ZNF26: variants seen among roughly 807,000 people sequenced by gnomAD.
The protein encoded by ZNF26 is epididymis luminal protein 179.
A neutral mutation model predicts 54.9 loss-of-function variants in ZNF26; 32 were observed. That is an observed-to-expected ratio of 0.58 (90% CI 0.44 to 0.78). The LOEUF is 0.78. Among genes scored for constraint, ZNF26 ranks in the 30% least tolerant of loss-of-function variants. The pLI, the probability that ZNF26 is intolerant of heterozygous loss-of-function variation, is 0.00. For synonymous variants in ZNF26, 221 were observed against 209.2 expected, an observed-to-expected ratio of 1.06 and a Z score of -0.49; for missense variants, 524 against 634.0, an observed-to-expected ratio of 0.83 and a Z score of 1.86.
chr12:132,999,297 C>G (rs1486205580), intron 1 of ZNF26, among the ~76,000 whole-genome samples: 1 of 152,188 alleles, frequency 6.6e-6, no homozygotes, highest in Non-Finnish European at 1.5e-5. Context: ...CTTTGTTGCC[C>G]AGGCTTGAGT....
In ZNF26 at chr12:133,018,326, GATAT is replaced by G. The variant is rs75445879; in HGVS notation, c.*6852_*6855del. The G allele has an allele frequency of 6.6e-6, 1 of 152,000 alleles. No individual in the cohort carries two copies. The highest frequency in any genetic ancestry group is 6.6e-5 in the Admixed American group (1 of 15,236). 9.4% of individuals were successfully genotyped at this position (152,000 alleles called of 1,614,324 possible). On this transcript the variant is annotated 3_prime_UTR_variant, in exon 4 of 4. Transcript: ENST00000328654. ...AATGTGTTGTTGCATTTGTAACATA[GATAT>G]ATATATCAATACCAGCACAAAAGTC... is the stretch of plus-strand genomic sequence containing the variant.
Position 133,016,069 on chromosome 12 carries a change from A to ATTTTTT in ZNF26, c.*4604_*4609dup, listed in dbSNP as rs11366507. The stretch of plus-strand genomic sequence containing the variant: ...TTTATTGTGAAAAAGTGTAGGGGTA[A>ATTTTTT]TTTTTTTTTTTTTTTTTTTTTGAGA... On this transcript the variant is annotated 3_prime_UTR_variant, in exon 4 of 4. Transcript: ENST00000328654. 1 of 117,904 alleles carries ATTTTTT rather than the reference A, an allele frequency of 8.5e-6. No individual in the cohort carries two copies. The highest frequency in any genetic ancestry group is 9.0e-5 in the Admixed American group (1 of 11,090). 7.3% of individuals were successfully genotyped at this position (117,904 alleles called of 1,614,324 possible).
At chr12:133,006,441 C>A in intron 1 of ZNF26, 1 of 258,484 alleles carries the variant, frequency 3.9e-6, no homozygotes, top group Non-Finnish European at 6.0e-6. Flanking sequence ...ACCAAGGACT[C>A]AGAACACCTT....
intron 1 of ZNF26, among the ~76,000 whole-genome samples, chr12:133,003,219 A>C (rs1303979753): frequency 6.6e-6 from 1 of 151,448 alleles, no homozygotes; most frequent in East Asian, 1.9e-4. Context: ...AAATTTATCA[A>C]AATATCATAT....
In ZNF26 at chr12:132,992,779, T is replaced by C. The variant is rs776659966; in HGVS notation, c.33+5906T>C. Among the ~76,000 whole-genome samples the C allele has an allele frequency of 1.2e-3, 179 of 152,318 alleles. 3 individuals carry two copies. Among genetic ancestry groups the C allele is most frequent in the Middle Eastern group, 0.01 (3 of 294 alleles). On this transcript the variant is annotated intron_variant, in intron 1 of 3. Transcript: ENST00000328654. ...AAACCACTGTGCGTCAGGCACCGAC[T>C]GTCTTTCTTCTGTTCTTTTCCTTTC...
rs796424164 is a variant in ZNF26, at chr12:133,012,856, G to A, written c.*1375G>A. Reference sequence around the variant, plus strand: ...AGCCTCCCAAAGTCATGGGATTACAGGTGTGAGCCACCGAGCCCGGCCAGC... The same window carrying A: ...AGCCTCCCAAAGTCATGGGATTACAAGTGTGAGCCACCGAGCCCGGCCAGC... On this transcript the variant is annotated 3_prime_UTR_variant, in exon 4 of 4. Coordinates refer to ENST00000328654, the MANE Select transcript of ZNF26 (RefSeq NM_019591.4). 55 of 152,120 alleles carry A rather than the reference G, an allele frequency of 3.6e-4. No homozygotes were observed. The highest frequency in any genetic ancestry group is 1.3e-3 in the African/African-American group (53 of 41,486). The allele number at this position is 152,120 out of a possible 1,614,324, so 9.4% of individuals were successfully genotyped here.
At chr12:132,996,919 T>C (rs1953097774) in intron 1 of ZNF26, among the ~76,000 whole-genome samples, 1 of 152,176 alleles carries the variant, frequency 6.6e-6, no homozygotes, top group South Asian at 2.1e-4. Context: ...TTTGTTTTGT[T>C]TTCTTAGAAA....
rs1376218469 is a variant in ZNF26 at position 133,017,525 on chromosome 12, A to G, written c.*6044A>G. ...GTGTACACAGGTCCAAGAGCCAAGG[A>G]GTGGGAACGGGATCAGCTCCACTTA... On this transcript the variant is annotated 3_prime_UTR_variant, in exon 4 of 4. Coordinates refer to ENST00000328654, the MANE Select transcript of ZNF26 (RefSeq NM_019591.4). 6.6e-6 allele frequency: 1 copy of G among 152,212 alleles called. No homozygotes were observed. The highest frequency in any genetic ancestry group is 1.9e-4 in the East Asian group (1 of 5,192). The allele number at this position is 152,212 out of a possible 1,614,324, so 9.4% of individuals were successfully genotyped here. A position where few individuals can be genotyped will look rare whatever the true frequency, so the allele number is the denominator to read the frequency against.
chr12:133,026,051 C>T lies in ZNF26; in HGVS notation c.*14570C>T, dbSNP rs1165140324. On this transcript the variant is annotated 3_prime_UTR_variant, in exon 4 of 4. Coordinates refer to ENST00000328654, the MANE Select transcript of ZNF26 (RefSeq NM_019591.4). ...TAGATCTAGCCTTAGAAAAAGCTGC[C>T]TAGCTGAGCCTATCTTGAATTTCTG... 6.6e-6 allele frequency: 1 copy of T among 152,120 alleles called. No homozygotes were observed. Among genetic ancestry groups the T allele is most frequent in the Admixed American group, 6.6e-5 (1 of 15,264 alleles). 9.4% of individuals were successfully genotyped at this position (152,120 alleles called of 1,614,324 possible).
Position 133,011,604 on chromosome 12 carries a change from A to G in ZNF26, c.*123A>G, listed in dbSNP as rs2137263112. 1.0e-6 allele frequency: 1 copy of G among 1,001,494 alleles called. No homozygotes were observed. The highest frequency in any genetic ancestry group is 2.3e-5 in the South Asian group (1 of 43,554). The allele number at this position is 1,001,494 out of a possible 1,614,324, so 62.0% of individuals were successfully genotyped here. On this transcript the variant is annotated 3_prime_UTR_variant, in exon 4 of 4. Transcript: ENST00000328654. ...TCAAAAATCAGAGAGGAGAGAGACC[A>G]ACCATATTTGGGATGAGTGTAAAAG...
At position 133,023,779 on chromosome 12, in the gene ZNF26, T is replaced by G. The variant is rs1018489804; in HGVS notation, c.*12298T>G. The G allele has an allele frequency of 6.6e-6, 1 of 152,240 alleles. No individual in the cohort carries two copies. The highest frequency in any genetic ancestry group is 1.5e-5 in the Non-Finnish European group (1 of 68,042). The allele number at this position is 152,240 out of a possible 1,614,324, so 9.4% of individuals were successfully genotyped here. A position where few individuals can be genotyped will look rare whatever the true frequency, so the allele number is the denominator to read the frequency against. On this transcript the variant is annotated 3_prime_UTR_variant, in exon 4 of 4. Coordinates refer to ENST00000328654, the MANE Select transcript of ZNF26 (RefSeq NM_019591.4). The stretch of plus-strand genomic sequence containing the variant: ...CAAAAGAATGTGGAGGAAGTGATCA[T>G]GTAACTTCGCAGGATATAAAAAGCC...
At chr12:133,002,310 C>T (rs1953236123) in intron 1 of ZNF26, among the ~76,000 whole-genome samples, 1 of 152,184 alleles carries the variant, frequency 6.6e-6, no homozygotes, top group South Asian at 2.1e-4. Context: ...GCCCAGAATC[C>T]AGCCACCATT....
In ZNF26 at chr12:133,022,571, TG is replaced by T. The variant is rs1163341927; in HGVS notation, c.*11095del. 2 of 152,308 alleles carry T rather than the reference TG, an allele frequency of 1.3e-5. No homozygotes were observed. The highest frequency in any genetic ancestry group is 3.9e-4 in the East Asian group (2 of 5,184). 9.4% of individuals were successfully genotyped at this position (152,308 alleles called of 1,614,324 possible). A position where few individuals can be genotyped will look rare whatever the true frequency, so the allele number is the denominator to read the frequency against. On this transcript the variant is annotated 3_prime_UTR_variant, in exon 4 of 4. Transcript: ENST00000328654. The stretch of plus-strand genomic sequence containing the variant: ...CTGTAGTGTTGCAAAATGTTAGCAT[TG>T]GGGGAAACTGGGAAAAGTGTATAAG...
At chr12:132,988,051 C>G (rs1017722930) in intron 1 of ZNF26, among the ~76,000 whole-genome samples, 5 of 152,228 alleles carry the variant, frequency 3.3e-5, no homozygotes, top group African/African-American at 1.2e-4. Context: ...CTCTGTCGCC[C>G]AGGCTGGAGT....
chr12:133,007,117 T>A lies in ZNF26; in HGVS notation c.109T>A (p.Tyr37Asn). Residue 37 changes from tyrosine (Y) to asparagine (N), a missense_variant, in exon 2 of 4, where the codon TAC becomes AAC. Physicochemically the swap from Tyr to Asn is moderately radical, Grantham distance 143 (BLOSUM62 -2). Coordinates refer to ENST00000328654, the MANE Select transcript of ZNF26 (RefSeq NM_019591.4). ...GCAGCTACTGGATTCTACACAGAAG[T>A]ACCTGTACAGAGATGTGATATTGGA... ...EWQLLDSTQK[Y>N]LYRDVILENY... The A allele has an allele frequency of 6.2e-7, 1 of 1,613,958 alleles. No individual in the cohort carries two copies.
intron 3 of ZNF26, among the ~76,000 whole-genome samples, chr12:133,008,859 G>A (rs1455263520): frequency 6.6e-6 from 1 of 151,994 alleles, no homozygotes; most frequent in Non-Finnish European, 1.5e-5. Flanking sequence ...TCTGCAGGCT[G>A]TATGGGAAGC....
rs947872547 is a variant in ZNF26 at position 133,023,677 on chromosome 12, G to A, written c.*12196G>A. The A allele has an allele frequency of 1.0e-3, 158 of 152,298 alleles. No homozygotes were observed. The highest frequency in any genetic ancestry group is 3.4e-3 in the African/African-American group (142 of 41,560). 9.4% of individuals were successfully genotyped at this position (152,298 alleles called of 1,614,324 possible). Reference sequence around the variant, plus strand: ...CTTCCATCTCATCTCCTCTTCTACAGTGTGATCTTGCCACTCCTCCCACTT... The same window carrying A: ...CTTCCATCTCATCTCCTCTTCTACAATGTGATCTTGCCACTCCTCCCACTT... On this transcript the variant is annotated 3_prime_UTR_variant, in exon 4 of 4. Coordinates refer to ENST00000328654, the MANE Select transcript of ZNF26 (RefSeq NM_019591.4).
intron 1 of ZNF26, among the ~76,000 whole-genome samples, chr12:132,993,546 G>A (rs9651979): frequency 6.6e-6 from 1 of 151,608 alleles, no homozygotes; most frequent in South Asian, 2.1e-4. Context: ...ACCTCCGCCT[G>A]TTGGGTTCAA....
At position 133,012,589 on chromosome 12, in the gene ZNF26, T is replaced by TTTTTTG. The variant is rs1953503986; in HGVS notation, c.*1113_*1114insGTTTTT. Reference sequence around the variant, plus strand: ...TTTTTGTTGTTTGGGTTTTTTTTTTTTTTTTTTTTTTTTTTTTTTTGAGAC... The same window carrying TTTTTTG: ...TTTTTGTTGTTTGGGTTTTTTTTTTTTTTTTGTTTTTTTTTTTTTTTTTTTTGAGAC... On this transcript the variant is annotated 3_prime_UTR_variant, in exon 4 of 4. Coordinates refer to ENST00000328654, the MANE Select transcript of ZNF26 (RefSeq NM_019591.4). The TTTTTTG allele has an allele frequency of 4.1e-5, 5 of 122,178 alleles. No homozygotes were observed. Among genetic ancestry groups the TTTTTTG allele is most frequent in the Non-Finnish European group, 8.7e-5 (5 of 57,372 alleles). 7.6% of individuals were successfully genotyped at this position (122,178 alleles called of 1,614,324 possible). A position where few individuals can be genotyped will look rare whatever the true frequency, so the allele number is the denominator to read the frequency against.
Sources: gnomAD v4.1 joint callset for allele counts (sites outside exome capture counted in the v4.1 genomes callset) on GRCh38, gnomAD v4.1.1 for gene constraint, MANE v1.5 for transcripts, NCBI Gene and HGNC (gene_info 2026-07-23, HGNC 2026-07-21) for gene names.